SMOC1: variants seen among roughly 807,000 people sequenced by gnomAD.
SMOC1 encodes SPARC related modular calcium binding 1.
In SMOC1, 22 loss-of-function variants were observed where a neutral mutation model predicts 56.3. The ratio of observed to expected loss-of-function variants is 0.39; its 90% CI spans 0.28 to 0.56. SMOC1 has a LOEUF of 0.56. Ranked by LOEUF, SMOC1 falls within the 20% of genes least tolerant of loss-of-function variation. SMOC1 has a pLI of 0.61. For missense variants in SMOC1, 509 were observed against 565.4 expected, an observed-to-expected ratio of 0.90 and a Z score of 1.01; for synonymous variants, 193 against 215.0, an observed-to-expected ratio of 0.90 and a Z score of 0.89.
intron 10 of SMOC1, 106 bp downstream of exon 10, chr14:70,013,597 G>A: frequency 1.1e-6 from 1 of 941,968 alleles, no homozygotes. Flanking sequence ...GGAGGGCAAG[G>A]GCTGGAAGTT....
At chr14:69,965,960 T>C (rs1019764099) in intron 3 of SMOC1, among the ~76,000 whole-genome samples, 1 of 152,178 alleles carries the variant, frequency 6.6e-6, no homozygotes, top group African/African-American at 2.4e-5. Context: ...AGAATTTTTT[T>C]TCATGTCAAA....
intron 1 of SMOC1, chr14:69,885,392 A>T: frequency 6.3e-7 from 1 of 1,599,262 alleles, no homozygotes; most frequent in Non-Finnish European, 8.5e-7. Flanking sequence ...GCGCTTGGCG[A>T]TACGAGCCAC....
At chr14:70,006,613 C>A (rs148885486) in intron 7 of SMOC1, among the ~76,000 whole-genome samples, 1 of 152,166 alleles carries the variant, frequency 6.6e-6, no homozygotes, top group Non-Finnish European at 1.5e-5. Context: ...CAGACTGCTC[C>A]GAAATGTACT....
intron 11 of SMOC1, among the ~76,000 whole-genome samples, chr14:70,029,652 A>G (rs1886066003): frequency 6.6e-6 from 1 of 152,174 alleles, no homozygotes; most frequent in Admixed American, 6.5e-5. Flanking sequence ...TCAATGTCAC[A>G]TGTTCCTGGT....
intron 1 of SMOC1, among the ~76,000 whole-genome samples, chr14:69,907,165 G>A (rs987842229): frequency 3.3e-5 from 5 of 152,116 alleles, no homozygotes; most frequent in Non-Finnish European, 7.4e-5. Context: ...TTAAGTTCTG[G>A]GCTGCCAGAA....
rs10142171 is a variant in SMOC1, at chr14:69,879,445, C to T, written c.-234C>T. 8 of 385,872 alleles carry T rather than the reference C, an allele frequency of 2.1e-5. No homozygotes were observed. The highest frequency in any genetic ancestry group is 2.7e-5 in the Non-Finnish European group (6 of 220,364). The allele number at this position is 385,872 out of a possible 1,614,324, so 23.9% of individuals were successfully genotyped here. On this transcript the variant is annotated 5_prime_UTR_variant, in exon 1 of 12. Coordinates refer to ENST00000361956, the MANE Select transcript of SMOC1 (RefSeq NM_001034852.3). The stretch of plus-strand genomic sequence containing the variant: ...GTCCAACCTGCTGCCGCCTGGGCCC[C>T]GCCGAGCGGAGCTAGCGCCGCGCGC...
intron 1 of SMOC1, among the ~76,000 whole-genome samples, chr14:69,889,437 C>A (rs1883901221): frequency 6.6e-6 from 1 of 152,198 alleles, no homozygotes. Flanking sequence ...CCCTGTATCC[C>A]AGCCAACCAG....
At chr14:69,982,081 A>G (rs1252698393) in intron 5 of SMOC1, among the ~76,000 whole-genome samples, 1 of 152,204 alleles carries the variant, frequency 6.6e-6, no homozygotes, top group African/African-American at 2.4e-5. Flanking sequence ...ATCAGAGGCC[A>G]TGGGGTGATG....
At chr14:70,015,292 G>A (rs187118089) in intron 10 of SMOC1, among the ~76,000 whole-genome samples, 1 of 152,236 alleles carries the variant, frequency 6.6e-6, no homozygotes, top group East Asian at 1.9e-4. Flanking sequence ...TTGGGGAGTT[G>A]CTAACCAATG....
chr14:69,975,879 C>A (rs539392080), intron 4 of SMOC1, 65 bp downstream of exon 4: 2 of 1,159,924 alleles, frequency 1.7e-6, no homozygotes, highest in Admixed American at 1.8e-5. Flanking sequence ...TGGTCTCCTG[C>A]ATCTTGTGGG....
chr14:69,949,877 G>A (rs1314887663), intron 1 of SMOC1, among the ~76,000 whole-genome samples: 2 of 152,198 alleles, frequency 1.3e-5, no homozygotes, highest in African/African-American at 4.8e-5. Context: ...ACTCGAGGGG[G>A]GTTGAGGCTG....
chr14:69,905,564 G>T (rs1187352215), intron 1 of SMOC1, among the ~76,000 whole-genome samples: 1 of 152,032 alleles, frequency 6.6e-6, no homozygotes, highest in Non-Finnish European at 1.5e-5. Flanking sequence ...GTTTGGAGGG[G>T]GTGCAAGACT....
chr14:69,998,119 C>G lies in SMOC1; in HGVS notation c.664+3639C>G, dbSNP rs1441444956. Among the ~76,000 whole-genome samples the G allele has an allele frequency of 2.0e-5, 3 of 152,326 alleles. No homozygotes were observed. In the South Asian group the frequency reaches 6.2e-4, roughly 32 times the overall value. On this transcript the variant is annotated intron_variant, in intron 7 of 11. Transcript: ENST00000361956. Reference sequence around the variant, plus strand: ...CTACAGACTCTCCTAGTCTCCCTCTCTGCTCCTGGAAGTTTTGGCCCTTGT... The same window carrying G: ...CTACAGACTCTCCTAGTCTCCCTCTGTGCTCCTGGAAGTTTTGGCCCTTGT...
chr14:69,888,672 C>CTT (rs35906257), intron 1 of SMOC1, among the ~76,000 whole-genome samples: 63 of 150,480 alleles, frequency 4.2e-4, no homozygotes, highest in Admixed American at 2.4e-3. Flanking sequence ...GGCTGAAAGC[C>CTT]TTTTTTTTTT....
chr14:69,963,957 A>G (rs118132417), intron 3 of SMOC1, among the ~76,000 whole-genome samples: 2,111 of 152,110 alleles, frequency 0.014, 28 homozygotes, highest in Non-Finnish European at 0.02. Context: ...GTGTGATAAG[A>G]TGAGGGTGGA....
chr14:69,940,327 C>T lies in SMOC1; in HGVS notation c.100-11811C>T, dbSNP rs189936987. Among the ~76,000 whole-genome samples, 9 of 152,254 alleles carry T rather than the reference C, an allele frequency of 5.9e-5. No homozygotes were observed. In the East Asian group the frequency reaches 9.7e-4, roughly 16 times the overall value. ...GAGCTGAGGATGGTGGCCCAGGGTC[C>T]GGTGGCACAGGAGTATCCAGCGCTC... On this transcript the variant is annotated intron_variant, in intron 1 of 11. Coordinates refer to ENST00000361956, the MANE Select transcript of SMOC1 (RefSeq NM_001034852.3).
At chr14:69,932,647 C>G (rs1238167313) in intron 1 of SMOC1, among the ~76,000 whole-genome samples, 1 of 152,228 alleles carries the variant, frequency 6.6e-6, no homozygotes, top group African/African-American at 2.4e-5. Context: ...GGCCTCTGCT[C>G]TATTCATTCA....
chr14:70,029,409 A>G (rs1051560406), intron 11 of SMOC1, among the ~76,000 whole-genome samples: 1 of 152,200 alleles, frequency 6.6e-6, no homozygotes, highest in African/African-American at 2.4e-5. Context: ...TTCTTAGTGG[A>G]TAGCTGAGGG....
At chr14:69,943,243 G>A (rs906706638) in intron 1 of SMOC1, among the ~76,000 whole-genome samples, 3 of 152,202 alleles carry the variant, frequency 2.0e-5, no homozygotes, top group Non-Finnish European at 4.4e-5. Flanking sequence ...GAGGTGTGTG[G>A]AGGAAGAGCA....
Sources: gnomAD v4.1 joint callset for allele counts (sites outside exome capture counted in the v4.1 genomes callset) on GRCh38, gnomAD v4.1.1 for gene constraint, MANE v1.5 for transcripts, NCBI Gene and HGNC (gene_info 2026-07-23, HGNC 2026-07-21) for gene names.